The following NAV2 variants were observed in gnomAD, a reference collection of about 807,000 sequenced individuals.
The protein encoded by NAV2 is neuron navigator 2.
Under a neutral mutation model 223.2 loss-of-function variants are expected in NAV2, and 54 were observed. That is an observed-to-expected ratio of 0.24 (90% confidence interval 0.19 to 0.30). The LOEUF (loss-of-function observed/expected upper bound fraction) is 0.30, where lower values mean the gene tolerates loss of function less well. Ranked by LOEUF, NAV2 falls within the 10% of genes least tolerant of loss-of-function variation. The pLI is 1.00. For missense variants in NAV2, 2,806 were observed against 3,147.5 expected (o/e 0.89, Z 2.60); for synonymous variants, 1,279 against 1,239.3 (o/e 1.03, Z -0.67).
intron 7 of NAV2, among the ~76,000 whole-genome samples, chr11:19,935,861 T>TTTGTTTTG (rs2045828654): frequency 9.0e-6 from 1 of 111,004 alleles, no homozygotes. Context: ...GTTTTTTTTT[T>TTTGTTTTG]TTTTTTTTTT....
chr11:20,002,780 A>G (rs2052678741), intron 11 of NAV2, among the ~76,000 whole-genome samples: 1 of 152,136 alleles, frequency 6.6e-6, no homozygotes, highest in Admixed American at 6.6e-5. Flanking sequence ...GCCCTTCAGA[A>G]GTAACCTACC....
chr11:19,978,122 G>GC (rs1303420193), intron 10 of NAV2, among the ~76,000 whole-genome samples: 1 of 150,642 alleles, frequency 6.6e-6, no homozygotes, highest in Non-Finnish European at 1.5e-5. Flanking sequence ...ACCACACCCA[G>GC]CAAGGTCAGT....
At chr11:19,884,962 T>TA (rs1202632564) in intron 5 of NAV2, among the ~76,000 whole-genome samples, 1 of 152,104 alleles carries the variant, frequency 6.6e-6, no homozygotes, top group African/African-American at 2.4e-5. Context: ...TCCCTGAAAA[T>TA]AAAAAACAGG....
intron 12 of NAV2, among the ~76,000 whole-genome samples, chr11:20,039,433 C>T: frequency 6.6e-6 from 1 of 152,238 alleles, no homozygotes; most frequent in East Asian, 1.9e-4. Context: ...CTCTCCCTCC[C>T]TTCCTCCCTC....
chr11:19,655,312 A>G (rs1460314775), intron 1 of NAV2, among the ~76,000 whole-genome samples: 2 of 152,182 alleles, frequency 1.3e-5, no homozygotes, highest in South Asian at 2.1e-4. Context: ...AACTAGTTCA[A>G]CCATTGTGGA....
chr11:19,576,255 C>G (rs967426392), intron 1 of NAV2, among the ~76,000 whole-genome samples: 3 of 152,192 alleles, frequency 2.0e-5, no homozygotes, highest in Admixed American at 2.0e-4. Flanking sequence ...TTGCCGCATT[C>G]TGATGCAAAA....
At chr11:20,051,482 T>G in intron 17 of NAV2, 149 bp downstream of exon 17, 1 of 741,970 alleles carries the variant, frequency 1.3e-6, no homozygotes, top group South Asian at 1.5e-5. Flanking sequence ...CGGCTCCCCT[T>G]GCACCCTCTC....
At chr11:19,377,588 T>C (rs963447321) in intron 1 of NAV2, among the ~76,000 whole-genome samples, 2 of 152,196 alleles carry the variant, frequency 1.3e-5, no homozygotes, top group African/African-American at 4.8e-5. Flanking sequence ...AGCACTGTGC[T>C]GAGCATGACA....
chr11:19,687,031 G>A (rs1320934235), intron 1 of NAV2, among the ~76,000 whole-genome samples: 1 of 152,192 alleles, frequency 6.6e-6, no homozygotes, highest in Non-Finnish European at 1.5e-5. Flanking sequence ...GGCAGAGGTA[G>A]GGTTTCAACA....
At chr11:19,487,001 T>C (rs1173629139) in intron 1 of NAV2, among the ~76,000 whole-genome samples, 1 of 151,872 alleles carries the variant, frequency 6.6e-6, no homozygotes, top group Non-Finnish European at 1.5e-5. Context: ...AGGATAGGAG[T>C]GGACTGCCTC....
chr11:19,378,522 A>C (rs1409184770), intron 1 of NAV2, among the ~76,000 whole-genome samples: 4 of 150,764 alleles, frequency 2.7e-5, no homozygotes, highest in African/African-American at 9.8e-5. Flanking sequence ...CCCTTAATAA[A>C]GAGCGGCGCC....
At chr11:20,052,562 T>A (rs1046847124) in intron 17 of NAV2, among the ~76,000 whole-genome samples, 1 of 152,202 alleles carries the variant, frequency 6.6e-6, no homozygotes, top group Non-Finnish European at 1.5e-5. Flanking sequence ...CTTCTAAATG[T>A]TAACATTGTG....
intron 1 of NAV2, among the ~76,000 whole-genome samples, chr11:19,691,411 G>A (rs143941908): frequency 1.3e-5 from 2 of 151,924 alleles, no homozygotes; most frequent in African/African-American, 4.8e-5. Flanking sequence ...AATACCATGT[G>A]CATTTTGGAG....
chr11:19,448,141 G>C (rs1251583851), intron 1 of NAV2, among the ~76,000 whole-genome samples: 1 of 151,926 alleles, frequency 6.6e-6, no homozygotes, highest in Non-Finnish European at 1.5e-5. Context: ...ACCCCACCCT[G>C]TGCCCCTACC....
At chr11:20,019,696 C>T (rs549019930) in intron 11 of NAV2, among the ~76,000 whole-genome samples, 3 of 151,980 alleles carry the variant, frequency 2.0e-5, no homozygotes, top group Admixed American at 1.3e-4. Flanking sequence ...GATTGAGAAG[C>T]GCAGTTAGGG....
intron 11 of NAV2, among the ~76,000 whole-genome samples, chr11:19,996,269 C>A (rs764334084): frequency 7.2e-5 from 11 of 152,146 alleles, no homozygotes; most frequent in African/African-American, 1.4e-4. Flanking sequence ...AAAAAGCAAA[C>A]CTTGTTTAGA....
intron 1 of NAV2, among the ~76,000 whole-genome samples, chr11:19,716,344 T>G (rs756654027): frequency 6.6e-6 from 1 of 152,172 alleles, no homozygotes; most frequent in Non-Finnish European, 1.5e-5. Context: ...ATTAATTTCT[T>G]TGGGCTTTAG....
Position 19,484,674 on chromosome 11 carries a change from C to T in NAV2, c.75+133647C>T, listed in dbSNP as rs1439266947. Among the ~76,000 whole-genome samples the T allele has an allele frequency of 2.6e-5, 4 of 152,230 alleles. No homozygotes were observed. In the East Asian group the frequency reaches 7.7e-4, roughly 29 times the overall value. On this transcript the variant is annotated intron_variant, in intron 1 of 37. Transcript: ENST00000360655. The stretch of plus-strand genomic sequence containing the variant: ...TTGTCCATCTTGACCCAGACCCCTT[C>T]CTCATCAGCCTGGCCAGCCCCTGAG...
At chr11:19,499,580 A>G (rs575236749) in intron 1 of NAV2, among the ~76,000 whole-genome samples, 1 of 152,188 alleles carries the variant, frequency 6.6e-6, no homozygotes, top group Non-Finnish European at 1.5e-5. Flanking sequence ...AGATAGTTGT[A>G]TCTCTGTATC....
Sources: allele counts gnomAD v4.1 joint callset (sites outside exome capture counted in the v4.1 genomes callset), GRCh38; gene constraint gnomAD v4.1.1; transcripts MANE v1.5; gene names NCBI Gene and HGNC (gene_info 2026-07-23, HGNC 2026-07-21).